Variants in LANCL2 observed in about 807,000 individuals in gnomAD.
The protein encoded by LANCL2 is lanC-like protein 2.
A neutral mutation model predicts 56.9 loss-of-function variants in LANCL2; 33 were observed. The ratio of observed to expected loss-of-function variants is 0.58; its 90% confidence interval spans 0.44 to 0.78. The LOEUF is 0.78. Ranked by LOEUF, LANCL2 falls within the 30% of genes least tolerant of loss-of-function variation. The pLI, the probability that LANCL2 is intolerant of heterozygous loss-of-function variation, is 0.00. For missense variants in LANCL2, 562 were observed against 580.2 expected, an observed-to-expected ratio of 0.97 and a Z score of 0.32; for synonymous variants, 233 against 228.2, an observed-to-expected ratio of 1.02 and a Z score of -0.19.
chr7:55,366,365 T>A, intron 1 of LANCL2, 136 bp downstream of exon 1: 1 of 697,218 alleles, frequency 1.4e-6, no homozygotes, highest in Non-Finnish European at 2.2e-6. Context: ...AGCACCTGTC[T>A]CCGGGCCTTC....
intron 1 of LANCL2, among the ~76,000 whole-genome samples, 173 bp from the exon 2 acceptor site, chr7:55,391,620 T>TA (rs1259328540): frequency 7.9e-5 from 12 of 152,098 alleles, no homozygotes; most frequent in African/African-American, 2.7e-4. Flanking sequence ...ATTATCTCAT[T>TA]AAAAAAAGTA....
intron 1 of LANCL2, among the ~76,000 whole-genome samples, chr7:55,375,464 C>A (rs1304660794): frequency 1.3e-5 from 2 of 152,232 alleles, no homozygotes; most frequent in Admixed American, 6.5e-5. Context: ...GAGCTCCTGT[C>A]TTTCTCTGAG....
At chr7:55,425,013 G>A (rs549365963) in intron 6 of LANCL2, among the ~76,000 whole-genome samples, 1 of 152,308 alleles carries the variant, frequency 6.6e-6, no homozygotes, top group African/African-American at 2.4e-5. Flanking sequence ...TTGAAAAATG[G>A]TTCCACAAAA....
intron 5 of LANCL2, among the ~76,000 whole-genome samples, chr7:55,410,393 G>T (rs1010356529): frequency 1.3e-5 from 2 of 152,156 alleles, no homozygotes; most frequent in African/African-American, 4.8e-5. Context: ...TTATTTCAAT[G>T]AAATTTAGAA....
intron 1 of LANCL2, among the ~76,000 whole-genome samples, chr7:55,370,927 C>T (rs1789937233): frequency 6.6e-6 from 1 of 152,114 alleles, no homozygotes; most frequent in Admixed American, 6.5e-5. Context: ...TAAGGTATAC[C>T]ACATGGTGTT....
chr7:55,366,341 G>GGAT, intron 1 of LANCL2, 112 bp downstream of exon 1: 1 of 901,172 alleles, frequency 1.1e-6, no homozygotes, highest in Non-Finnish European at 1.6e-6. Context: ...GGAGGGCGCG[G>GGAT]GATGATAGCG....
In LANCL2 at chr7:55,366,014, ACCGCGGCG is replaced by A. The variant is rs1789857896; in HGVS notation, c.-11_-4del. The A allele has an allele frequency of 7.0e-7, 1 of 1,429,334 alleles. No individual in the cohort carries two copies. The highest frequency in any genetic ancestry group is 3.0e-5 in the Admixed American group (1 of 33,550). The allele number at this position is 1,429,334 out of a possible 1,614,324, so 88.5% of individuals were successfully genotyped here. On this transcript the variant is annotated 5_prime_UTR_variant, in exon 1 of 9. Transcript: ENST00000254770. ...AGGTTTGTCCCCGCCCGCGCGCCGT[ACCGCGGCG>A]GAGATGGGCGAGACCATGTCAAAGA...
At chr7:55,383,500 G>C (rs1344083149) in intron 1 of LANCL2, among the ~76,000 whole-genome samples, 1 of 152,182 alleles carries the variant, frequency 6.6e-6, no homozygotes, top group Non-Finnish European at 1.5e-5. Context: ...CACAGGTGGA[G>C]ATATCTGGGG....
At chr7:55,409,722 AG>A (rs776689254) in intron 5 of LANCL2, among the ~76,000 whole-genome samples, 1 of 152,182 alleles carries the variant, frequency 6.6e-6, no homozygotes, top group Non-Finnish European at 1.5e-5. Flanking sequence ...GGGAAAGCAA[AG>A]TCATAGTAGA....
intron 5 of LANCL2, among the ~76,000 whole-genome samples, chr7:55,403,777 G>C (rs559899586): frequency 3.6e-4 from 55 of 151,778 alleles, no homozygotes; most frequent in African/African-American, 1.3e-3. Context: ...TCACCATATC[G>C]GCCAGGCTGG....
chr7:55,367,197 A>C (rs1314251159), intron 1 of LANCL2, among the ~76,000 whole-genome samples: 1 of 152,236 alleles, frequency 6.6e-6, no homozygotes, highest in African/African-American at 2.4e-5. Context: ...GTGGGAATAA[A>C]ACAGAAGATT....
At chr7:55,373,596 A>C (rs1332158483) in intron 1 of LANCL2, among the ~76,000 whole-genome samples, 2 of 152,196 alleles carry the variant, frequency 1.3e-5, no homozygotes, top group Non-Finnish European at 2.9e-5. Context: ...CATTGCACCC[A>C]GGGAGTTATT....
chr7:55,407,332 T>C lies in LANCL2; in HGVS notation c.826-4575T>C, dbSNP rs747231977. 5.3e-5 allele frequency among the ~76,000 whole-genome samples: 8 copies of C among 152,106 alleles called. No homozygotes were observed. The South Asian group carries it at 6.2e-4, about 12-fold the overall frequency. ...AGCCTCAGGCACCGTCACCTCTCCC[T>C]CACCCCAAGGGGCAGCACCACCTCC... is the stretch of plus-strand genomic sequence containing the variant. On this transcript the variant is annotated intron_variant, in intron 5 of 8. Transcript: ENST00000254770.
intron 5 of LANCL2, among the ~76,000 whole-genome samples, chr7:55,402,475 G>A (rs1347300714): frequency 7.4e-6 from 1 of 134,272 alleles, no homozygotes; most frequent in Non-Finnish European, 1.6e-5. Context: ...GGGCAGAGGG[G>A]CTCCTCTCCT....
chr7:55,372,049 A>G (rs1257067189), intron 1 of LANCL2, among the ~76,000 whole-genome samples: 1 of 152,224 alleles, frequency 6.6e-6, no homozygotes, highest in Non-Finnish European at 1.5e-5. Context: ...CCAAGGAACC[A>G]CAGTCTGCAT....
chr7:55,387,071 G>A (rs780485653), intron 1 of LANCL2, among the ~76,000 whole-genome samples: 8 of 152,100 alleles, frequency 5.3e-5, no homozygotes, highest in African/African-American at 9.7e-5. Context: ...TACCAAAAAC[G>A]CAAAGAAAAA....
rs190915737 is a variant in LANCL2 at position 55,376,787 on chromosome 7, G to C, written c.204+10558G>C. Among the ~76,000 whole-genome samples the C allele has an allele frequency of 9.4e-4, 143 of 152,308 alleles. 1 individual carries two copies. The highest frequency in any genetic ancestry group is 3.4e-3 in the Middle Eastern group (1 of 294). ...TTTTTACGTTTGTCTCATTAGACCA[G>C]GAACATTTTGGGGAGTACCCAGTCT... On this transcript the variant is annotated intron_variant, in intron 1 of 8. Transcript: ENST00000254770.
rs1431323100 is a variant in LANCL2, at chr7:55,431,274, C to T, written c.1307C>T (p.Thr436Ile). 3.7e-6 allele frequency: 6 copies of T among 1,613,944 alleles called. No homozygotes were observed. The highest frequency in any genetic ancestry group is 1.3e-5 in the African/African-American group (1 of 75,038). ...CTCTCTGATGTCCTGGGACCAGAGA[C>T]ATCACGGTTTCCAGCATTTGAACTT... ...HFLSDVLGPE[T>I]SRFPAFELDS... Residue 436 changes from threonine to isoleucine, a missense_variant, in exon 9 of 9, where the codon ACA (threonine) becomes ATA (isoleucine). Physicochemically the swap from Thr to Ile is moderately conservative, Grantham distance 89. Around this residue, in one of 2 missense-constraint regions of LANCL2, gnomAD observed 378 missense variants for 468.4 expected, o/e 0.81. Transcript: ENST00000254770.
At chr7:55,427,324 A>G (rs980882055) in intron 7 of LANCL2, among the ~76,000 whole-genome samples, 1 of 152,210 alleles carries the variant, frequency 6.6e-6, no homozygotes, top group Non-Finnish European at 1.5e-5. Context: ...GGATACTGAT[A>G]TGGAAGATGG....
Sources: allele counts gnomAD v4.1 joint callset (sites outside exome capture counted in the v4.1 genomes callset), GRCh38; gene constraint gnomAD v4.1.1; regional missense constraint gnomAD v4.1.1; transcripts MANE v1.5; gene names NCBI Gene and HGNC (gene_info 2026-07-23, HGNC 2026-07-21).